The following TMEM126A variants were observed in gnomAD, a reference collection of about 807,000 sequenced individuals.
TMEM126A encodes transmembrane protein 126A.
In TMEM126A, 10 loss-of-function variants were observed where a neutral mutation model predicts 18.3. The ratio of observed to expected loss-of-function variants is 0.55; its 90% CI spans 0.34 to 0.93. The LOEUF (loss-of-function observed/expected upper bound fraction) is 0.93, where lower values mean the gene tolerates loss of function less well. Among genes scored for constraint, TMEM126A ranks in the 40% least tolerant of loss-of-function variants. The pLI, the probability that TMEM126A is intolerant of heterozygous loss-of-function variation, is 0.02. For missense variants in TMEM126A, 246 were observed against 230.2 expected, an observed-to-expected ratio of 1.07 and a Z score of -0.44; for synonymous variants, 68 against 78.1, an observed-to-expected ratio of 0.87 and a Z score of 0.68.
In TMEM126A at chr11:85,650,350, CCTT is replaced by C. The variant is rs772468832; in HGVS notation, c.86+13_86+15del. On this transcript the variant is annotated intron_variant, in intron 2 of 4. Coordinates refer to ENST00000304511, the MANE Select transcript of TMEM126A (RefSeq NM_032273.4). ...CTTCCAGAAGCAGAAAGGTAAGATC[CCTT>C]CTTAATTTAAAAACACCTTTTATCA... 6 of 1,579,944 alleles carry C rather than the reference CCTT, an allele frequency of 3.8e-6. No individual in the cohort carries two copies. The highest frequency in any genetic ancestry group is 4.3e-6 in the Non-Finnish European group (5 of 1,150,230).
chr11:85,654,613 G>A (rs900812180), intron 3 of TMEM126A, among the ~76,000 whole-genome samples: 10 of 152,034 alleles, frequency 6.6e-5, no homozygotes, highest in South Asian at 2.1e-4. Context: ...CACCATGCCC[G>A]GCTAATTTTT....
At chr11:85,655,737 G>A (rs2082533342) in intron 4 of TMEM126A, 29 bp downstream of exon 4, 1 of 1,461,448 alleles carries the variant, frequency 6.8e-7, no homozygotes, top group Non-Finnish European at 9.6e-7. Flanking sequence ...TTTATAATAT[G>A]TGATTACCTA....
chr11:85,656,504 TTAAACAAATATG>T lies in TMEM126A; in HGVS notation c.*12_*23del, dbSNP rs2082541615. On this transcript the variant is annotated 3_prime_UTR_variant, in exon 5 of 5. Coordinates refer to ENST00000304511, the MANE Select transcript of TMEM126A (RefSeq NM_032273.4). ...AACCTGGCAAAGAAATTCACTGATT[TTAAACAAATATG>T]TAAACAAAAATAAAATGGTAAAAAC... 6.2e-7 allele frequency: 1 copy of T among 1,609,850 alleles called. No homozygotes were observed. Among genetic ancestry groups the T allele is most frequent in the Non-Finnish European group, 8.5e-7 (1 of 1,177,080 alleles).
At chr11:85,655,357 A>C (rs1017693101) in intron 3 of TMEM126A, 1 of 430,644 alleles carries the variant, frequency 2.3e-6, no homozygotes, top group African/African-American at 2.0e-5. Flanking sequence ...TGAGATTATT[A>C]TATCTAAGTT....
Position 85,655,632 on chromosome 11 carries a change from G to A in TMEM126A, c.319G>A (p.Gly107Arg). The change falls in exon 4 of 5, where the codon GGA becomes AGA. Residue 107 changes from glycine (G) to arginine (R), a missense_variant. Physicochemically the swap from Gly to Arg is moderately radical, Grantham distance 125 (BLOSUM62 -2). Transcript: ENST00000304511. Reference protein sequence around the residue: ...DCETCTITRSGLTGLVIGGLY... With the variant: ...DCETCTITRSRLTGLVIGGLY... Reference sequence around the variant, plus strand: ...TGAAACCTGTACCATAACACGGAGTGGACTGACTGGTCTTGTTATTGGTGG... The same window carrying A: ...TGAAACCTGTACCATAACACGGAGTAGACTGACTGGTCTTGTTATTGGTGG... 1 of 1,613,616 alleles carries A rather than the reference G, an allele frequency of 6.2e-7. No individual in the cohort carries two copies. Among genetic ancestry groups the A allele is most frequent in the African/African-American group, 1.3e-5 (1 of 74,986 alleles).
chr11:85,653,319 A>T (rs1307681023), intron 2 of TMEM126A, among the ~76,000 whole-genome samples: 1 of 152,190 alleles, frequency 6.6e-6, no homozygotes, highest in African/African-American at 2.4e-5. Context: ...TGTAAGCCAT[A>T]GAAGTTAGAG....
chr11:85,653,663 T>G (rs1300804696), intron 2 of TMEM126A, among the ~76,000 whole-genome samples: 1 of 152,202 alleles, frequency 6.6e-6, no homozygotes, highest in African/African-American at 2.4e-5. Context: ...CACTAATGTT[T>G]CAGGGAAGAG....
In TMEM126A at chr11:85,656,357, G is replaced by T; in HGVS notation, c.444G>T (p.Trp148Cys). The T allele has an allele frequency of 1.9e-6, 3 of 1,612,626 alleles. No homozygotes were observed. Among genetic ancestry groups the T allele is most frequent in the East Asian group, 4.5e-5 (2 of 44,776 alleles). Residue 148 changes from tryptophan (W) to cysteine (C), a missense_variant, in exon 5 of 5, where the codon TGG becomes TGT. Transcript: ENST00000304511. ...LPHKGNILSY[W>C]IRTSKPVFRK... ...ACAAAGGGAACATCTTAAGTTACTG[G>T]ATTAGAACTTCTAAGCCTGTCTTTA...
At chr11:85,651,047 C>T (rs78231583) in intron 2 of TMEM126A, among the ~76,000 whole-genome samples, 7 of 112,734 alleles carry the variant, frequency 6.2e-5, no homozygotes, top group African/African-American at 1.1e-4. Context: ...CCAGCCTGGG[C>T]GACAAGAGTG....
At position 85,650,359 on chromosome 11, in the gene TMEM126A, T is replaced by C. The variant is rs774384662; in HGVS notation, c.86+18T>C. On this transcript the variant is annotated intron_variant, in intron 2 of 4. Transcript: ENST00000304511. ...GCAGAAAGGTAAGATCCCTTCTTAA[T>C]TTAAAAACACCTTTTATCAGGTGGA... 2 of 1,524,150 alleles carry C rather than the reference T, an allele frequency of 1.3e-6. No individual in the cohort carries two copies. Among genetic ancestry groups the C allele is most frequent in the Admixed American group, 3.3e-5 (2 of 59,716 alleles). 94.4% of individuals were successfully genotyped at this position (1,524,150 alleles called of 1,614,324 possible). A position where few individuals can be genotyped will look rare whatever the true frequency, so the allele number is the denominator to read the frequency against.
In TMEM126A at chr11:85,656,374, C is replaced by T. The variant is rs200045803; in HGVS notation, c.461C>T (p.Pro154Leu). 234 of 1,612,854 alleles carry T rather than the reference C, an allele frequency of 1.5e-4. 1 individual carries two copies. Among genetic ancestry groups the T allele is most frequent in the Non-Finnish European group, 1.9e-4 (227 of 1,179,560 alleles). ...AGTTACTGGATTAGAACTTCTAAGC[C>T]TGTCTTTAGAAAGATGTTATTTCCT... is the stretch of plus-strand genomic sequence containing the variant. ...ILSYWIRTSK[P>L]VFRKMLFPIL... The change falls in exon 5 of 5, where the codon CCT (proline) becomes CTT (leucine). Residue 154 changes from proline (P) to leucine (L), a missense_variant. Physicochemically the swap from Pro to Leu is moderately conservative, Grantham distance 98 (BLOSUM62 -3). Coordinates refer to ENST00000304511, the MANE Select transcript of TMEM126A (RefSeq NM_032273.4).
rs369708298 is a variant in TMEM126A at position 85,654,054 on chromosome 11, C to T, written c.87-9C>T. The stretch of plus-strand genomic sequence containing the variant: ...GCCAAAGAAAAGTTCTTTCTTCTCA[C>T]CCTTTCAGGAATCTACTTGAAAATG... On this transcript the variant is annotated splice_polypyrimidine_tract_variant and intron_variant, in intron 2 of 4. Coordinates refer to ENST00000304511, the MANE Select transcript of TMEM126A (RefSeq NM_032273.4). 6.3e-5 allele frequency: 102 copies of T among 1,614,154 alleles called. 2 individuals are homozygous for T. The highest frequency in any genetic ancestry group is 5.0e-4 in the Middle Eastern group (3 of 6,058).
At chr11:85,648,427 TG>T (rs1190432778) in intron 1 of TMEM126A, among the ~76,000 whole-genome samples, 2 of 152,194 alleles carry the variant, frequency 1.3e-5, no homozygotes, top group African/African-American at 2.4e-5. Flanking sequence ...CTTCCAAGAA[TG>T]ACATGAGATA....
At chr11:85,652,161 CAA>C (rs1445304906) in intron 2 of TMEM126A, among the ~76,000 whole-genome samples, 1 of 152,034 alleles carries the variant, frequency 6.6e-6, no homozygotes, top group Non-Finnish European at 1.5e-5. Flanking sequence ...AAGACTGTCT[CAA>C]AAAAGAGTAG....
intron 4 of TMEM126A, 127 bp from the exon 5 acceptor site, chr11:85,656,182 C>A: frequency 2.4e-6 from 2 of 834,180 alleles, no homozygotes; most frequent in Non-Finnish European, 3.8e-6. Flanking sequence ...GATTAATAGA[C>A]ACTGAAGACC....
intron 2 of TMEM126A, among the ~76,000 whole-genome samples, 185 bp from the exon 3 acceptor site, chr11:85,653,878 C>T (rs1205733265): frequency 1.3e-5 from 2 of 152,142 alleles, no homozygotes; most frequent in Non-Finnish European, 2.9e-5. Context: ...AGGAGAGGCA[C>T]CCACTGGCTG....
intron 2 of TMEM126A, among the ~76,000 whole-genome samples, chr11:85,652,689 T>C (rs2082509816): frequency 1.3e-5 from 2 of 152,118 alleles, no homozygotes; most frequent in South Asian, 2.1e-4. Context: ...ATGGGAAAAA[T>C]CTGGTTGGGA....
rs761921048 is a variant in TMEM126A, at chr11:85,655,665, C to T, written c.352C>T (p.Pro118Ser). The change falls in exon 4 of 5, where the codon CCT (proline) becomes TCT (serine). Residue 118 changes from proline to serine, a missense_variant. Coordinates refer to ENST00000304511, the MANE Select transcript of TMEM126A (RefSeq NM_032273.4). ...TGGTCTTGTTATTGGTGGTCTATAC[C>T]CTGTTTTCTTGGCTATACCTGTAAA... ...LTGLVIGGLY[P>S]VFLAIPVNGG... 6.2e-7 allele frequency: 1 copy of T among 1,613,512 alleles called. No individual in the cohort carries two copies. The highest frequency in any genetic ancestry group is 1.3e-5 in the African/African-American group (1 of 74,964).
intron 2 of TMEM126A, among the ~76,000 whole-genome samples, chr11:85,653,263 T>C (rs994283587): frequency 6.6e-6 from 1 of 152,212 alleles, no homozygotes; most frequent in Non-Finnish European, 1.5e-5. Flanking sequence ...CAATACCTTA[T>C]ACAACGTAGG....
Sources: allele counts gnomAD v4.1 joint callset (sites outside exome capture counted in the v4.1 genomes callset), GRCh38; gene constraint gnomAD v4.1.1; transcripts MANE v1.5; gene names NCBI Gene and HGNC (gene_info 2026-07-23, HGNC 2026-07-21).